Variants in SPATA13 observed in about 807,000 individuals in gnomAD.
The protein encoded by SPATA13 is spermatogenesis associated 13.
A neutral mutation model predicts 104.0 loss-of-function variants in SPATA13; 50 were observed. That is an observed-to-expected ratio of 0.48 (90% CI 0.38 to 0.61). The LOEUF is 0.61. Among genes scored for constraint, SPATA13 ranks in the 20% least tolerant of loss-of-function variants. SPATA13 has a pLI of 0.00. For synonymous variants in SPATA13, 606 were observed against 667.5 expected, an observed-to-expected ratio of 0.91 and a Z score of 1.42; for missense variants, 1,524 against 1,690.6, an observed-to-expected ratio of 0.90 and a Z score of 1.73.
Position 24,302,894 on chromosome 13 carries a change from C to T in SPATA13, c.*121C>T. The T allele has an allele frequency of 7.9e-7, 1 of 1,273,356 alleles. No homozygotes were observed. The highest frequency in any genetic ancestry group is 1.1e-6 in the Non-Finnish European group (1 of 905,388). 78.9% of individuals were successfully genotyped at this position (1,273,356 alleles called of 1,614,324 possible). A position where few individuals can be genotyped will look rare whatever the true frequency, so the allele number is the denominator to read the frequency against. On this transcript the variant is annotated 3_prime_UTR_variant, in exon 13 of 13. Coordinates refer to ENST00000382108, the MANE Select transcript of SPATA13 (RefSeq NM_001166271.3). ...GTGATAAAAACTTCCTTTTAGGGATCAATGAAGGAGAGAAGGTCTTGGAAT... is the reference window on the plus strand; with the variant it reads ...GTGATAAAAACTTCCTTTTAGGGATTAATGAAGGAGAGAAGGTCTTGGAAT...
In SPATA13 at chr13:24,294,778, G is replaced by T; in HGVS notation, c.3120G>T (p.Lys1040Asn). ...SNIKAAYEAM[K>N]NVACLINERK... ...TAAAGGCAGCATATGAGGCCATGAA[G>T]AATGTGGCCTGTCTGATCAACGAGC... Residue 1040 changes from lysine to asparagine, a missense_variant, in exon 10 of 13, where the codon AAG (lysine) becomes AAT (asparagine). By Grantham distance (94) the Lys-to-Asn change is moderately conservative. Transcript: ENST00000382108. 4 of 1,609,272 alleles carry T rather than the reference G, an allele frequency of 2.5e-6. No homozygotes were observed. Among genetic ancestry groups the T allele is most frequent in the Non-Finnish European group, 3.4e-6 (4 of 1,175,830 alleles).
intron 1 of SPATA13, among the ~76,000 whole-genome samples, chr13:24,217,493 C>T (rs959596491): frequency 6.6e-6 from 1 of 152,172 alleles, no homozygotes; most frequent in African/African-American, 2.4e-5. Context: ...GCTGAGAACA[C>T]AGTGAAATAA....
intron 3 of SPATA13, among the ~76,000 whole-genome samples, chr13:24,126,530 T>C (rs1249411140): frequency 1.3e-5 from 2 of 152,054 alleles, no homozygotes; most frequent in East Asian, 3.9e-4. Flanking sequence ...TTTACGTATA[T>C]ATATTTGTGT....
intron 9 of SPATA13, among the ~76,000 whole-genome samples, chr13:24,292,683 T>A (rs1876477269): frequency 1.3e-5 from 2 of 152,134 alleles, no homozygotes; most frequent in South Asian, 4.1e-4. Flanking sequence ...TCTGAACTCC[T>A]GTGGAGAGAC....
intron 1 of SPATA13, among the ~76,000 whole-genome samples, chr13:24,186,510 A>T (rs1042434011): frequency 3.9e-5 from 6 of 152,214 alleles, no homozygotes; most frequent in Non-Finnish European, 7.3e-5. Context: ...ACGAATAAAA[A>T]TAGGACATCA....
At chr13:24,158,958 T>C (rs528224795), upstream of SPATA13, among the ~76,000 whole-genome samples, 2 of 152,332 alleles carry the variant, frequency 1.3e-5, no homozygotes, top group South Asian at 2.1e-4. Flanking sequence ...GTTTCAAATA[T>C]AGTGCTTTCT....
chr13:24,128,714 T>TA (rs1293854361), intron 3 of SPATA13, among the ~76,000 whole-genome samples: 3 of 126,278 alleles, frequency 2.4e-5, no homozygotes, highest in African/African-American at 9.3e-5. Context: ...AATTTAAACA[T>TA]AAAAAAAGTC....
chr13:23,981,671 C>T (rs1020767176), intron 1 of SPATA13, among the ~76,000 whole-genome samples: 1 of 152,096 alleles, frequency 6.6e-6, no homozygotes, highest in Non-Finnish European at 1.5e-5. Context: ...ATTTTTGGAC[C>T]CATTTAAAAT....
chr13:24,015,732 C>T lies in SPATA13; in HGVS notation c.-146-1935C>T, dbSNP rs544610317. On this transcript the variant is annotated intron_variant, in intron 2 of 14. Coordinates refer to the SPATA13 transcript ENST00000424834. ...TGATCCTTCCCCTTTGGGGCGACCC[C>T]TGGCAGGCCCCCCCCCAATTCCTAG... Among the ~76,000 whole-genome samples, 3 of 42,988 alleles carry T rather than the reference C, an allele frequency of 7.0e-5. No homozygotes were observed. The East Asian group carries it at 3.2e-3, about 46-fold the overall frequency. 28.2% of individuals were successfully genotyped at this position (42,988 alleles called of 152,430 possible).
At chr13:24,114,257 G>A (rs1880751853) in intron 3 of SPATA13, among the ~76,000 whole-genome samples, 1 of 152,066 alleles carries the variant, frequency 6.6e-6, no homozygotes, top group Non-Finnish European at 1.5e-5. Flanking sequence ...CTTTGTGGGG[G>A]TCTGTCCAAT....
intron 9 of SPATA13, among the ~76,000 whole-genome samples, chr13:24,292,172 C>T (rs1191535697): frequency 6.6e-6 from 1 of 152,212 alleles, no homozygotes; most frequent in Non-Finnish European, 1.5e-5. Context: ...CCTTAATAGC[C>T]AACCATCATT....
intron 3 of SPATA13, among the ~76,000 whole-genome samples, chr13:24,152,579 C>T (rs1290027863): frequency 2.0e-5 from 3 of 152,198 alleles, no homozygotes; most frequent in African/African-American, 7.2e-5. Context: ...GAAAGCATTC[C>T]AGCCCCACAG....
intron 2 of SPATA13, among the ~76,000 whole-genome samples, chr13:24,234,962 T>G (rs920186818): frequency 6.6e-6 from 1 of 152,198 alleles, no homozygotes; most frequent in Admixed American, 6.5e-5. Flanking sequence ...AAGCCTCAAC[T>G]TCTTAAAAAA....
intron 3 of SPATA13, among the ~76,000 whole-genome samples, chr13:24,081,035 A>C (rs533279148): frequency 1.9e-4 from 29 of 152,198 alleles, no homozygotes; most frequent in Admixed American, 6.5e-5. Flanking sequence ...CATGAATATC[A>C]ACAAGTTTTG....
intron 2 of SPATA13, among the ~76,000 whole-genome samples, chr13:24,015,670 T>C (rs1036567505): frequency 1.3e-5 from 2 of 152,154 alleles, no homozygotes; most frequent in African/African-American, 4.8e-5. Context: ...TGCCATCCCC[T>C]AGAAGGTCAG....
chr13:24,043,260 G>T (rs1031328647), intron 3 of SPATA13, among the ~76,000 whole-genome samples: 1 of 152,198 alleles, frequency 6.6e-6, no homozygotes, highest in Non-Finnish European at 1.5e-5. Flanking sequence ...AAGGGATTGC[G>T]TGGCCAAGAG....
intron 3 of SPATA13, among the ~76,000 whole-genome samples, chr13:24,143,026 T>C (rs1881813591): frequency 6.6e-6 from 1 of 152,160 alleles, no homozygotes; most frequent in African/African-American, 2.4e-5. Flanking sequence ...GACAATGGCT[T>C]GAGTCCAAGT....
At chr13:23,980,706 C>T (rs939025883) in intron 1 of SPATA13, among the ~76,000 whole-genome samples, 1 of 152,116 alleles carries the variant, frequency 6.6e-6, no homozygotes, top group African/African-American at 2.4e-5. Flanking sequence ...ATTCTCCTGC[C>T]TCACCCTCCC....
At chr13:24,252,201 T>A (rs1873533625) in intron 4 of SPATA13, among the ~76,000 whole-genome samples, 2 of 152,186 alleles carry the variant, frequency 1.3e-5, no homozygotes, top group African/African-American at 4.8e-5. Context: ...CTGAGGGCTG[T>A]GAGGGAGGGT....
Sources: allele counts gnomAD v4.1 joint callset (sites outside exome capture counted in the v4.1 genomes callset), GRCh38; gene constraint gnomAD v4.1.1; transcripts MANE v1.5; gene names NCBI Gene and HGNC (gene_info 2026-07-23, HGNC 2026-07-21).